MTHFSD: variants seen among roughly 807,000 people sequenced by gnomAD.
MTHFSD encodes the protein methenyltetrahydrofolate synthase domain-containing protein.
In MTHFSD, 37 loss-of-function variants were observed where a neutral mutation model predicts 31.1. The ratio of observed to expected loss-of-function variants is 1.19; its 90% CI spans 0.91 to 1.56. The LOEUF is 1.56. Among genes scored for constraint, MTHFSD ranks in the 40% most tolerant of loss-of-function variants. The pLI is 0.00. For missense variants in MTHFSD, 664 were observed against 510.1 expected (o/e 1.30, Z -2.91); for synonymous variants, 221 against 206.9 (o/e 1.07, Z -0.59).
intron 7 of MTHFSD, chr16:86,541,138 G>A: frequency 7.8e-7 from 1 of 1,287,242 alleles, no homozygotes; most frequent in Non-Finnish European, 1.0e-6. Context: ...TAACCTACAG[G>A]CTGATTTGCA....
chr16:86,545,598 G>A (rs1972171396), intron 5 of MTHFSD, among the ~76,000 whole-genome samples: 1 of 152,140 alleles, frequency 6.6e-6, no homozygotes, highest in Admixed American at 6.5e-5. Context: ...TGGCCGGCAT[G>A]CAGGAGCCAG....
At position 86,542,254 on chromosome 16, in the gene MTHFSD, G is replaced by C. The variant is rs749138058; in HGVS notation, c.443-41C>G. ...GAATCAGTATCGCTGTGCGGTCCGG[G>C]GCATCGCTGAGAAGTGGATTTTCCA... On this transcript the variant is annotated intron_variant, in intron 5 of 7. Coordinates refer to ENST00000360900, the MANE Select transcript of MTHFSD (RefSeq NM_001159377.2). The surrounding 1 kb of genome is among the most constrained non-coding windows in gnomAD (Gnocchi z 4.6). 1 of 1,535,748 alleles carries C rather than the reference G, an allele frequency of 6.5e-7. No homozygotes were observed. The highest frequency in any genetic ancestry group is 1.4e-5 in the African/African-American group (1 of 73,024).
At chr16:86,548,975 A>G (rs1293790013) in intron 3 of MTHFSD, among the ~76,000 whole-genome samples, 1 of 152,252 alleles carries the variant, frequency 6.6e-6, no homozygotes, top group African/African-American at 2.4e-5. Context: ...TAATGCTGTC[A>G]TTAGAAACTG....
In MTHFSD at chr16:86,541,492, T is replaced by C. The variant is rs1048684908; in HGVS notation, c.681+205A>G. On this transcript the variant is annotated intron_variant, in intron 7 of 7. Transcript: ENST00000360900. Reference sequence around the variant, plus strand: ...GGCAGATTTTAAACCTAGCTGCTTTTTCGAATCCCAGAGATCCATACGCAG... The same window carrying C: ...GGCAGATTTTAAACCTAGCTGCTTTCTCGAATCCCAGAGATCCATACGCAG... 6 of 749,074 alleles carry C rather than the reference T, an allele frequency of 8.0e-6. No individual in the cohort carries two copies. The African/African-American group carries it at 8.8e-5, about 11-fold the overall frequency. The allele number at this position is 749,074 out of a possible 1,614,324, so 46.4% of individuals were successfully genotyped here.
In MTHFSD at chr16:86,552,154, G is replaced by A. The variant is rs1176998458; in HGVS notation, c.124-8C>T. On this transcript the variant is annotated splice_polypyrimidine_tract_variant and splice_region_variant and intron_variant, in intron 2 of 7. Transcript: ENST00000360900. ...GCAAGCCAGATAAGACCCCTAGTTA[G>A]GCAAATAGACAGAGTTGCACTTACT... The A allele has an allele frequency of 2.5e-6, 4 of 1,614,192 alleles. No homozygotes were observed. The highest frequency in any genetic ancestry group is 3.4e-6 in the Non-Finnish European group (4 of 1,180,034).
At chr16:86,534,706 GAA>G (rs1970432433) in intron 7 of MTHFSD, among the ~76,000 whole-genome samples, 1 of 152,182 alleles carries the variant, frequency 6.6e-6, no homozygotes, top group African/African-American at 2.4e-5. Context: ...TGCAATGACA[GAA>G]AAAGTGTGGC....
chr16:86,539,858 A>T (rs558840812), intron 7 of MTHFSD, among the ~76,000 whole-genome samples: 1 of 152,272 alleles, frequency 6.6e-6, no homozygotes, highest in Non-Finnish European at 1.5e-5. Context: ...CTTCATCAAG[A>T]GATCTATAAT....
intron 2 of MTHFSD, 179 bp from the exon 3 acceptor site, chr16:86,552,325 G>C (rs1455173216): frequency 6.6e-7 from 1 of 1,517,044 alleles, no homozygotes; most frequent in Non-Finnish European, 8.9e-7. Context: ...TTACTGAAAG[G>C]ACAGCACGCT....
rs181168755 is a variant in MTHFSD, at chr16:86,535,375, C to T, written c.682-2894G>A. ...CACTCTGCCAGCAGCTGGATGACCACGCCGATCCCTGCCACAGCTGACAAG... is the reference window on the plus strand; with the variant it reads ...CACTCTGCCAGCAGCTGGATGACCATGCCGATCCCTGCCACAGCTGACAAG... On this transcript the variant is annotated intron_variant, in intron 7 of 7. Transcript: ENST00000360900. 5.1e-5 allele frequency: 50 copies of T among 985,416 alleles called. No homozygotes were observed. The East Asian group carries it at 4.4e-3, about 87-fold the overall frequency. The allele number at this position is 985,416 out of a possible 1,614,324, so 61.0% of individuals were successfully genotyped here.
rs897569976 is a variant in MTHFSD at position 86,552,406 on chromosome 16, G to A, written c.124-260C>T. The stretch of plus-strand genomic sequence containing the variant: ...AGACAGGCACTAACAGTCACCCAAA[G>A]AAACATCTAAGGAAGCAGTCTAAGT... On this transcript the variant is annotated intron_variant, in intron 2 of 7. Transcript: ENST00000360900. The A allele has an allele frequency of 3.5e-6, 3 of 858,918 alleles. No homozygotes were observed. The African/African-American group carries it at 5.1e-5, about 15-fold the overall frequency. 53.2% of individuals were successfully genotyped at this position (858,918 alleles called of 1,614,324 possible).
At chr16:86,535,286 G>A (rs1477409789) in intron 7 of MTHFSD, 7 of 985,230 alleles carry the variant, frequency 7.1e-6, no homozygotes, top group Middle Eastern at 5.2e-4. Flanking sequence ...TGTGGGTAAA[G>A]GATGACAAGG....
intron 1 of MTHFSD, 145 bp downstream of exon 1, chr16:86,555,024 G>A: frequency 1.4e-6 from 2 of 1,437,286 alleles, no homozygotes; most frequent in South Asian, 1.4e-5. Context: ...CCCGAACCCA[G>A]CACAGACCCC....
At chr16:86,546,068 G>C (rs1168813846) in intron 5 of MTHFSD, among the ~76,000 whole-genome samples, 2 of 152,160 alleles carry the variant, frequency 1.3e-5, no homozygotes, top group Non-Finnish European at 2.9e-5. Context: ...AAAGCACCAG[G>C]CCTGAGAAGA....
intron 5 of MTHFSD, among the ~76,000 whole-genome samples, chr16:86,543,351 C>T (rs1266674673): frequency 6.6e-6 from 1 of 152,128 alleles, no homozygotes; most frequent in East Asian, 1.9e-4. Context: ...GCTGACAATC[C>T]ACCCTTCAGT....
At chr16:86,535,691 G>C (rs943110812) in intron 7 of MTHFSD, among the ~76,000 whole-genome samples, 1 of 152,104 alleles carries the variant, frequency 6.6e-6, no homozygotes, top group Non-Finnish European at 1.5e-5. Flanking sequence ...CAAGATTTCC[G>C]ATTGAGAGTC....
chr16:86,540,313 C>T (rs990378494), intron 7 of MTHFSD, among the ~76,000 whole-genome samples: 2 of 152,194 alleles, frequency 1.3e-5, no homozygotes, highest in Non-Finnish European at 1.5e-5. Context: ...GCGAAGCCCC[C>T]GATGCCCTCC....
At chr16:86,541,307 ATCTGGATTT>A in intron 7 of MTHFSD, 17 of 1,005,662 alleles carry the variant, frequency 1.7e-5, no homozygotes, top group Non-Finnish European at 2.0e-5. Flanking sequence ...AAAAAAAAAA[ATCTGGATTT>A]AAAAAGGGAA....
At chr16:86,535,382 C>G (rs2143393320) in intron 7 of MTHFSD, 1 of 985,366 alleles carries the variant, frequency 1.0e-6, no homozygotes, top group Admixed American at 6.1e-5. Flanking sequence ...CCACGCCGAT[C>G]CCTGCCACAG....
chr16:86,549,000 C>CCATGAGTAA (rs1972743766), intron 3 of MTHFSD, among the ~76,000 whole-genome samples: 1 of 152,222 alleles, frequency 6.6e-6, no homozygotes, highest in Non-Finnish European at 1.5e-5. Context: ...GGCATAGCTA[C>CCATGAGTAA]CTTAGTTACT....
Sources: gnomAD v4.1 joint callset for allele counts (sites outside exome capture counted in the v4.1 genomes callset) on GRCh38, gnomAD v4.1.1 for gene constraint, Gnocchi (gnomAD v3.1) non-coding constraint, MANE v1.5 for transcripts, NCBI Gene and HGNC (gene_info 2026-07-23, HGNC 2026-07-21) for gene names.